SLC26A7: variants seen among roughly 807,000 people sequenced by gnomAD.
The protein encoded by SLC26A7 is anion exchange transporter.
Under a neutral mutation model 82.5 loss-of-function variants are expected in SLC26A7, and 59 were observed. That is an observed-to-expected ratio of 0.72 (90% confidence interval 0.58 to 0.89). The LOEUF (loss-of-function observed/expected upper bound fraction) is 0.89, where lower values mean the gene tolerates loss of function less well. Among genes scored for constraint, SLC26A7 ranks in the 40% least tolerant of loss-of-function variants. SLC26A7 has a pLI of 0.00. For synonymous variants in SLC26A7, 271 were observed against 274.3 expected, an observed-to-expected ratio of 0.99 and a Z score of 0.12; for missense variants, 820 against 793.0, an observed-to-expected ratio of 1.03 and a Z score of -0.41.
intron 4 of SLC26A7, among the ~76,000 whole-genome samples, chr8:91,309,487 A>G (rs995220963): frequency 1.3e-5 from 2 of 151,402 alleles, no homozygotes; most frequent in African/African-American, 4.9e-5. Context: ...CAATTCCAGT[A>G]TATATAATAT....
In SLC26A7 at chr8:91,363,486, G is replaced by GTATA; in HGVS notation, c.1437_1440dup (p.Lys481TyrfsTer10). 6.7e-7 allele frequency: 1 copy of GTATA among 1,502,610 alleles called. No individual in the cohort carries two copies. The highest frequency in any genetic ancestry group is 9.1e-7 in the Non-Finnish European group (1 of 1,093,676). The allele number at this position is 1,502,610 out of a possible 1,614,324, so 93.1% of individuals were successfully genotyped here. Reference sequence around the variant, plus strand: ...TTTAATTTCAGAGCAATGACTGTAAGTATAAAAAATATGAAAGAAATGGAA... The same window carrying GTATA: ...TTTAATTTCAGAGCAATGACTGTAAGTATATATAAAAAATATGAAAGAAATGGAA... On this transcript the variant is annotated frameshift_variant, in exon 13 of 19. Coordinates refer to ENST00000276609, the MANE Select transcript of SLC26A7 (RefSeq NM_052832.4). LOFTEE classifies it high-confidence loss of function.
chr8:91,228,325 G>A (rs1810264947), intron 2 of SLC26A7, among the ~76,000 whole-genome samples: 1 of 152,216 alleles, frequency 6.6e-6, no homozygotes, highest in South Asian at 2.1e-4. Context: ...AAAAGAGCAA[G>A]CCTGCTTTAG....
intron 11 of SLC26A7, among the ~76,000 whole-genome samples, chr8:91,356,020 T>C (rs1017735882): frequency 1.3e-5 from 2 of 152,124 alleles, no homozygotes; most frequent in African/African-American, 4.8e-5. Context: ...AGAATGATGG[T>C]TTCCAGTTTC....
chr8:91,327,631 G>T (rs1452025749), intron 5 of SLC26A7, among the ~76,000 whole-genome samples: 1 of 152,136 alleles, frequency 6.6e-6, no homozygotes, highest in Non-Finnish European at 1.5e-5. Flanking sequence ...GTTGATGACT[G>T]ACTCAAAATA....
At chr8:91,243,734 T>TA (rs902237777) in intron 2 of SLC26A7, among the ~76,000 whole-genome samples, 22 of 151,200 alleles carry the variant, frequency 1.5e-4, no homozygotes, top group Admixed American at 3.3e-4. Context: ...TTAGCCAGAG[T>TA]AAAAAAAAAT....
rs960736724 is a variant in SLC26A7 at position 91,241,806 on chromosome 8, G to A, written c.-33-7813G>A. On this transcript the variant is annotated intron_variant, in intron 2 of 5. Coordinates refer to the SLC26A7 transcript ENST00000522862. ...CCCTACTTCGCACATAAAAAGCTGC[G>A]TGACCGTATCTTAGAAATGCTATAA... Among the ~76,000 whole-genome samples the A allele has an allele frequency of 4.3e-4, 65 of 152,102 alleles. 1 individual carries two copies. Among genetic ancestry groups the A allele is most frequent in the Non-Finnish European group, 8.8e-5 (6 of 67,996 alleles).
intron 11 of SLC26A7, among the ~76,000 whole-genome samples, chr8:91,359,587 C>T (rs959609285): frequency 3.3e-5 from 5 of 152,080 alleles, no homozygotes; most frequent in Admixed American, 6.6e-5. Context: ...ATATAGCAGG[C>T]GCATGATGAT....
chr8:91,386,973 A>G (rs1219424452), intron 15 of SLC26A7, among the ~76,000 whole-genome samples: 1 of 152,162 alleles, frequency 6.6e-6, no homozygotes, highest in Non-Finnish European at 1.5e-5. Flanking sequence ...TAATTTTTAA[A>G]TCTTACTTTG....
At chr8:91,375,474 C>A (rs1460559074) in intron 15 of SLC26A7, among the ~76,000 whole-genome samples, 1 of 151,658 alleles carries the variant, frequency 6.6e-6, no homozygotes, top group Non-Finnish European at 1.5e-5. Flanking sequence ...ATTTCTCCTT[C>A]TTTTATGAAG....
chr8:91,368,507 C>T (rs942802598), intron 14 of SLC26A7, among the ~76,000 whole-genome samples: 1 of 151,874 alleles, frequency 6.6e-6, no homozygotes, highest in Non-Finnish European at 1.5e-5. Flanking sequence ...CAAGCTCCAC[C>T]TCCAGGGTTC....
intron 5 of SLC26A7, among the ~76,000 whole-genome samples, chr8:91,332,438 A>T (rs917391587): frequency 7.0e-6 from 1 of 141,980 alleles, no homozygotes; most frequent in African/African-American, 2.6e-5. Context: ...TATATATTTA[A>T]TTAATATATA....
Position 91,396,009 on chromosome 8 carries a change from A to G in SLC26A7, c.*912A>G, listed in dbSNP as rs1344991937. On this transcript the variant is annotated 3_prime_UTR_variant, in exon 19 of 19. Coordinates refer to ENST00000276609, the MANE Select transcript of SLC26A7 (RefSeq NM_052832.4). The stretch of plus-strand genomic sequence containing the variant: ...CCCTATTTCAGAGATAGTCAATATA[A>G]TATGTTTATCTATATCCATATGGAT... 4 of 152,066 alleles carry G rather than the reference A, an allele frequency of 2.6e-5. No individual in the cohort carries two copies. The highest frequency in any genetic ancestry group is 9.7e-5 in the African/African-American group (4 of 41,440). 9.4% of individuals were successfully genotyped at this position (152,066 alleles called of 1,614,324 possible).
chr8:91,393,660 T>C, intron 16 of SLC26A7, 137 bp from the exon 17 acceptor site: 2 of 855,944 alleles, frequency 2.3e-6, no homozygotes, highest in Non-Finnish European at 3.7e-6. Flanking sequence ...CCTGACTGTG[T>C]AACAATGCCT....
chr8:91,253,435 T>C (rs1232912992), intron 2 of SLC26A7, among the ~76,000 whole-genome samples: 5 of 152,140 alleles, frequency 3.3e-5, no homozygotes, highest in African/African-American at 9.7e-5. Context: ...GTCTGAACTA[T>C]TGAAGTCATC....
chr8:91,371,608 T>C (rs917055484), intron 15 of SLC26A7, among the ~76,000 whole-genome samples: 10 of 151,988 alleles, frequency 6.6e-5, no homozygotes, highest in Admixed American at 5.9e-4. Flanking sequence ...TTCCATCGTG[T>C]ATATATAGTA....
intron 2 of SLC26A7, among the ~76,000 whole-genome samples, chr8:91,230,427 A>G (rs1340992025): frequency 6.6e-6 from 1 of 152,124 alleles, no homozygotes; most frequent in East Asian, 1.9e-4. Flanking sequence ...TCTTCCTTTC[A>G]GTGCTCTGAA....
At chr8:91,356,564 T>G (rs1317235610) in intron 11 of SLC26A7, among the ~76,000 whole-genome samples, 1 of 152,224 alleles carries the variant, frequency 6.6e-6, no homozygotes, top group East Asian at 1.9e-4. Flanking sequence ...TCACCCACTT[T>G]TTGATGGGGT....
chr8:91,277,338 T>C (rs1811432821), intron 2 of SLC26A7, among the ~76,000 whole-genome samples: 1 of 152,242 alleles, frequency 6.6e-6, no homozygotes, highest in African/African-American at 2.4e-5. Flanking sequence ...CTGCTATTTG[T>C]ATGCTCATTA....
At chr8:91,320,280 G>A (rs1812755649) in intron 5 of SLC26A7, among the ~76,000 whole-genome samples, 1 of 152,070 alleles carries the variant, frequency 6.6e-6, no homozygotes, top group Non-Finnish European at 1.5e-5. Context: ...CCAGGTGGAG[G>A]TCTTTCTTAA....
Sources: gnomAD v4.1 joint callset for allele counts (sites outside exome capture counted in the v4.1 genomes callset) on GRCh38, gnomAD v4.1.1 for gene constraint, MANE v1.5 for transcripts, NCBI Gene and HGNC (gene_info 2026-07-23, HGNC 2026-07-21) for gene names.